Variants in PRKG1 observed in about 807,000 individuals in gnomAD.
PRKG1 encodes the protein cGMP-dependent protein kinase 1.
PRKG1 carries 35 observed loss-of-function variants against 88.1 expected under a neutral mutation model. That is an observed-to-expected ratio of 0.40 (90% CI 0.30 to 0.53). The LOEUF is 0.53. PRKG1 is among the 20% of genes least tolerant of loss of function. The probability of loss-of-function intolerance (pLI) is 0.59; values close to 1 mark genes in which losing one functional copy is unlikely to be tolerated. For missense variants in PRKG1, 540 were observed against 839.8 expected, an observed-to-expected ratio of 0.64 and a Z score of 4.41; for synonymous variants, 303 against 292.5, an observed-to-expected ratio of 1.04 and a Z score of -0.37.
intron 9 of PRKG1, chr10:52,230,978 A>C (rs753341796): frequency 2.6e-5 from 4 of 152,218 alleles, no homozygotes; most frequent in Non-Finnish European, 5.9e-5. Context: ...CTAATTTTTT[A>C]ATGGGGCAAG....
At chr10:51,773,147 C>A (rs1328597893) in intron 3 of PRKG1, among the ~76,000 whole-genome samples, 1 of 151,976 alleles carries the variant, frequency 6.6e-6, no homozygotes, top group Admixed American at 6.6e-5. Context: ...TTTTCCTGTC[C>A]AACTGCCCAA....
At chr10:51,328,915 G>T (rs1051974881) in intron 2 of PRKG1, among the ~76,000 whole-genome samples, 13 of 151,944 alleles carry the variant, frequency 8.6e-5, no homozygotes, top group South Asian at 2.1e-4. Flanking sequence ...GGGAACAGGC[G>T]TTGCCCATTT....
At chr10:51,816,248 C>A (rs1490958505) in intron 4 of PRKG1, among the ~76,000 whole-genome samples, 1 of 152,088 alleles carries the variant, frequency 6.6e-6, no homozygotes, top group African/African-American at 2.4e-5. Flanking sequence ...AGACTTAATA[C>A]ATTGATTCAT....
At chr10:51,809,744 T>G (rs542520556) in intron 4 of PRKG1, among the ~76,000 whole-genome samples, 1 of 152,332 alleles carries the variant, frequency 6.6e-6, no homozygotes, top group South Asian at 2.1e-4. Flanking sequence ...TTTATCCACT[T>G]GGTAAGACAG....
At chr10:51,172,644 GTATGTATCTATCTATC>G (rs1412317333) in intron 2 of PRKG1, among the ~76,000 whole-genome samples, 3,026 of 119,276 alleles carry the variant, frequency 0.025, 35 homozygotes, top group East Asian at 0.037. Flanking sequence ...ATGTATGTAT[GTATGTATCTATCTATC>G]TATCTATCTA....
chr10:51,530,028 G>A (rs1045836482), intron 3 of PRKG1, among the ~76,000 whole-genome samples: 2 of 152,066 alleles, frequency 1.3e-5, no homozygotes, highest in African/African-American at 4.8e-5. Context: ...ATTGCTGACT[G>A]GCTATTCAGT....
At chr10:52,250,966 A>C (rs534262631) in intron 9 of PRKG1, among the ~76,000 whole-genome samples, 1 of 152,114 alleles carries the variant, frequency 6.6e-6, no homozygotes, top group Non-Finnish European at 1.5e-5. Context: ...AAATGAAGGG[A>C]AGACACTTTT....
chr10:51,528,614 G>A (rs1292563133), intron 3 of PRKG1, among the ~76,000 whole-genome samples: 2 of 149,490 alleles, frequency 1.3e-5, no homozygotes, highest in Admixed American at 1.3e-4. Context: ...GAGTTCCTCT[G>A]TGCAAGAGAA....
intron 5 of PRKG1, among the ~76,000 whole-genome samples, chr10:52,028,283 T>C (rs947641645): frequency 2.8e-4 from 43 of 152,192 alleles, no homozygotes; most frequent in African/African-American, 9.4e-4. Context: ...ACAGCTCCTA[T>C]CTGCACATTC....
chr10:51,016,673 C>CTTCTTTCTT (rs1564571435), intron 1 of PRKG1, among the ~76,000 whole-genome samples: 2 of 35,192 alleles, frequency 5.7e-5, no homozygotes, highest in Admixed American at 4.7e-4. Context: ...ATTATCCTTT[C>CTTCTTTCTT]TTTTTTTTTT....
chr10:52,083,426 TACAAA>T (rs1254715492), intron 7 of PRKG1, among the ~76,000 whole-genome samples: 1 of 152,076 alleles, frequency 6.6e-6, no homozygotes, highest in African/African-American at 2.4e-5. Flanking sequence ...CAAACAAATG[TACAAA>T]ACAAAACATA....
intron 8 of PRKG1, among the ~76,000 whole-genome samples, chr10:52,161,087 G>C (rs1333710172): frequency 6.6e-6 from 1 of 151,866 alleles, no homozygotes; most frequent in African/African-American, 2.4e-5. Flanking sequence ...TACAGTAAGA[G>C]TTACTGTATC....
At chr10:51,217,975 A>G (rs1476897491) in intron 2 of PRKG1, among the ~76,000 whole-genome samples, 5 of 152,012 alleles carry the variant, frequency 3.3e-5, no homozygotes, top group African/African-American at 9.7e-5. Flanking sequence ...TTAACATCTC[A>G]TAATTCACTA....
chr10:51,364,595 G>T (rs942613667), intron 2 of PRKG1, among the ~76,000 whole-genome samples: 2 of 151,880 alleles, frequency 1.3e-5, no homozygotes, highest in African/African-American at 4.8e-5. Flanking sequence ...TTAAAAATAA[G>T]AGGGAAAAAC....
intron 1 of PRKG1, among the ~76,000 whole-genome samples, chr10:51,136,036 G>T (rs1845678301): frequency 6.6e-6 from 1 of 151,466 alleles, no homozygotes; most frequent in South Asian, 2.1e-4. Flanking sequence ...GTTAATGGGT[G>T]CAGCACACCA....
intron 9 of PRKG1, among the ~76,000 whole-genome samples, chr10:52,163,377 C>CATGTAT (rs1838333732): frequency 6.7e-6 from 1 of 149,682 alleles, no homozygotes; most frequent in Non-Finnish European, 1.5e-5. Context: ...ATTAAATATA[C>CATGTAT]ATGTATATGC....
intron 7 of PRKG1, among the ~76,000 whole-genome samples, chr10:52,093,117 G>C (rs555923329): frequency 2.0e-5 from 3 of 152,268 alleles, no homozygotes; most frequent in South Asian, 4.1e-4. Context: ...TAGAACCACT[G>C]TTAGGGTTTC....
chr10:51,151,402 C>T (rs1033613368), intron 1 of PRKG1, among the ~76,000 whole-genome samples: 4 of 152,012 alleles, frequency 2.6e-5, no homozygotes, highest in Admixed American at 2.0e-4. Context: ...TTTTATTCCT[C>T]GGTCTTCACA....
At chr10:51,916,204 A>G (rs1045941550) in intron 5 of PRKG1, among the ~76,000 whole-genome samples, 2 of 152,188 alleles carry the variant, frequency 1.3e-5, no homozygotes, top group Non-Finnish European at 2.9e-5. Context: ...TAAGATAGGA[A>G]GTCAGCACAA....
Sources: allele counts gnomAD v4.1 joint callset (sites outside exome capture counted in the v4.1 genomes callset), GRCh38; gene constraint gnomAD v4.1.1; transcripts MANE v1.5; gene names NCBI Gene and HGNC (gene_info 2026-07-23, HGNC 2026-07-21).